The following TENM2 variants were observed in gnomAD, a reference collection of about 807,000 sequenced individuals.
TENM2 encodes teneurin transmembrane protein 2, also known as teneurin-2.
In TENM2, 52 loss-of-function variants were observed where a neutral mutation model predicts 245.2. That is an observed-to-expected ratio of 0.21 (90% CI 0.17 to 0.27). The LOEUF (loss-of-function observed/expected upper bound fraction) is 0.27. Ranked by LOEUF, TENM2 falls within the 10% of genes least tolerant of loss-of-function variation. TENM2 has a pLI of 1.00. For synonymous variants in TENM2, 1,363 were observed against 1,438.9 expected (o/e 0.95, Z 1.19); for missense variants, 3,046 against 3,666.8 (o/e 0.83, Z 4.37).
chr5:167,323,260 G>A (rs1218942786), intron 1 of TENM2, among the ~76,000 whole-genome samples: 1 of 152,314 alleles, frequency 6.6e-6, no homozygotes, highest in East Asian at 1.9e-4. Flanking sequence ...AACTGATTTA[G>A]AGCAGTGAAT....
At chr5:167,632,873 G>C (rs1258084146) in intron 2 of TENM2, among the ~76,000 whole-genome samples, 1 of 152,164 alleles carries the variant, frequency 6.6e-6, no homozygotes, top group East Asian at 1.9e-4. Flanking sequence ...AAGTTTAGAT[G>C]ACTTGGCAAA....
chr5:167,189,284 G>T, the TENM2 span, among the ~76,000 whole-genome samples: 1 of 152,048 alleles, frequency 6.6e-6, no homozygotes, highest in Non-Finnish European at 1.5e-5. Context: ...TATTTGTTAC[G>T]TAGTGTGGAA....
intron 2 of TENM2, among the ~76,000 whole-genome samples, chr5:167,735,419 C>T (rs1006892427): frequency 2.0e-5 from 3 of 152,166 alleles, no homozygotes; most frequent in African/African-American, 7.2e-5. Context: ...TCAGTCAATA[C>T]TAAATAAATG....
intron 2 of TENM2, among the ~76,000 whole-genome samples, chr5:167,402,666 T>G (rs1762424991): frequency 6.6e-6 from 1 of 152,106 alleles, no homozygotes; most frequent in Non-Finnish European, 1.5e-5. Flanking sequence ...AGAATGGACA[T>G]CATGATACAC....
the TENM2 span, among the ~76,000 whole-genome samples, chr5:167,175,728 G>T: frequency 6.6e-6 from 1 of 152,106 alleles, no homozygotes; most frequent in African/African-American, 2.4e-5. Context: ...TTGTTTTTGA[G>T]ACAGAGTCTC....
At chr5:167,314,051 A>G (rs1756204325) in intron 1 of TENM2, among the ~76,000 whole-genome samples, 1 of 152,208 alleles carries the variant, frequency 6.6e-6, no homozygotes, top group African/African-American at 2.4e-5. Flanking sequence ...TAAATGTTGA[A>G]TGACTAACAT....
At chr5:167,679,262 T>C (rs1003064173) in intron 2 of TENM2, among the ~76,000 whole-genome samples, 3 of 152,156 alleles carry the variant, frequency 2.0e-5, no homozygotes, top group South Asian at 2.1e-4. Flanking sequence ...ACTAATAACA[T>C]TCTAAGCTGT....
chr5:167,735,281 G>C (rs979217849), intron 2 of TENM2, among the ~76,000 whole-genome samples: 16 of 152,100 alleles, frequency 1.1e-4, no homozygotes, highest in African/African-American at 3.9e-4. Context: ...AGATATCCAA[G>C]GCAATTTCTG....
intron 3 of TENM2, among the ~76,000 whole-genome samples, chr5:167,910,319 C>T (rs1776448698): frequency 6.6e-6 from 1 of 152,120 alleles, no homozygotes. Context: ...AGATTAAATG[C>T]CCTTGCCATT....
intron 26 of TENM2, among the ~76,000 whole-genome samples, chr5:168,245,818 C>T (rs1766510854): frequency 6.6e-6 from 1 of 152,120 alleles, no homozygotes; most frequent in South Asian, 2.1e-4. Flanking sequence ...CTTGTTATGC[C>T]TGAAACACAG....
At chr5:167,280,116 C>T (rs1191978900), upstream of TENM2, among the ~76,000 whole-genome samples, 1 of 152,150 alleles carries the variant, frequency 6.6e-6, no homozygotes, top group East Asian at 1.9e-4. Context: ...CTTCTGTCAA[C>T]ATTCAAAGGC....
At chr5:168,253,717 G>A (rs941142631) in intron 27 of TENM2, among the ~76,000 whole-genome samples, 17 of 152,180 alleles carry the variant, frequency 1.1e-4, no homozygotes, top group Admixed American at 9.2e-4. Context: ...GAGCCACCGC[G>A]CCTGGCTACG....
At chr5:168,055,961 A>G (rs553593877) in intron 6 of TENM2, among the ~76,000 whole-genome samples, 1 of 152,310 alleles carries the variant, frequency 6.6e-6, no homozygotes, top group South Asian at 2.1e-4. Context: ...AGACCTTAAA[A>G]TGTCTAGCTA....
chr5:168,147,647 G>T (rs77293598), intron 12 of TENM2, among the ~76,000 whole-genome samples: 1 of 152,190 alleles, frequency 6.6e-6, no homozygotes, highest in East Asian at 1.9e-4. Context: ...GTGCAGCCAG[G>T]ATTCTCATCC....
At chr5:168,262,918 T>A in exon 29 of TENM2, 1 of 1,069,600 alleles carries the variant, frequency 9.3e-7, no homozygotes, top group Non-Finnish European at 1.3e-6. Flanking sequence ...CTGGGCTGCT[T>A]TAGGAGACCA....
At chr5:167,132,012 G>A in the TENM2 span, among the ~76,000 whole-genome samples, 1 of 151,846 alleles carries the variant, frequency 6.6e-6, no homozygotes, top group Non-Finnish European at 1.5e-5. Flanking sequence ...TAGTGGAGAC[G>A]GGGTTTCACC....
At chr5:167,682,809 C>G (rs574288762) in intron 2 of TENM2, among the ~76,000 whole-genome samples, 2 of 151,978 alleles carry the variant, frequency 1.3e-5, no homozygotes, top group African/African-American at 4.8e-5. Flanking sequence ...AACTGGGGAC[C>G]CTGGCTGTAA....
At chr5:167,672,517 A>G (rs1289334924) in intron 2 of TENM2, among the ~76,000 whole-genome samples, 2 of 152,050 alleles carry the variant, frequency 1.3e-5, no homozygotes, top group Non-Finnish European at 2.9e-5. Context: ...GATCACATAC[A>G]TACCCCACAG....
chr5:167,130,125 G>T, the TENM2 span, among the ~76,000 whole-genome samples: 1 of 152,100 alleles, frequency 6.6e-6, no homozygotes, highest in East Asian at 1.9e-4. Context: ...GGATATAATG[G>T]CATAAACTAA....
Sources: gnomAD v4.1 joint callset for allele counts (sites outside exome capture counted in the v4.1 genomes callset) on GRCh38, gnomAD v4.1.1 for gene constraint, MANE v1.5 for transcripts, NCBI Gene and HGNC (gene_info 2026-07-23, HGNC 2026-07-21) for gene names.